The following CPS1 variants were observed in gnomAD, a reference collection of about 807,000 sequenced individuals.
CPS1 encodes the protein carbamoyl-phosphate synthase [ammonia], mitochondrial.
Under a neutral mutation model 174.6 loss-of-function variants are expected in CPS1, and 109 were observed. That is an observed-to-expected ratio of 0.62 (90% CI 0.53 to 0.73). CPS1 has a LOEUF of 0.73. CPS1 is among the 30% of genes least tolerant of loss of function. The probability of loss-of-function intolerance (pLI) is 0.00; values close to 1 mark genes in which losing one functional copy is unlikely to be tolerated. For synonymous variants in CPS1, 637 were observed against 632.0 expected (o/e 1.01, Z -0.12); for missense variants, 1,689 against 1,821.9 (o/e 0.93, Z 1.33).
chr2:210,667,194 C>T (rs552726944), intron 33 of CPS1, among the ~76,000 whole-genome samples: 54 of 152,266 alleles, frequency 3.5e-4, no homozygotes, highest in African/African-American at 9.9e-4. Flanking sequence ...TGAGACTTTG[C>T]TGAAGTTGCT....
At chr2:210,668,129 G>C in intron 33 of CPS1, 57 bp from the exon 34 acceptor site, 2 of 1,117,870 alleles carry the variant, frequency 1.8e-6, no homozygotes, top group Non-Finnish European at 2.7e-6. Flanking sequence ...TTTTTGGTAG[G>C]AGTGGTTGAC....
intron 14 of CPS1, 68 bp downstream of exon 14, chr2:210,599,629 G>A (rs1698638063): frequency 1.3e-6 from 2 of 1,521,114 alleles, no homozygotes; most frequent in Non-Finnish European, 1.8e-6. Context: ...TTTTATTTGA[G>A]CTCATCTAAC....
chr2:210,623,068 C>A (rs1029024836), intron 21 of CPS1, among the ~76,000 whole-genome samples: 2 of 151,950 alleles, frequency 1.3e-5, no homozygotes, highest in African/African-American at 4.8e-5. Flanking sequence ...TTTGCTATAC[C>A]ATGTTAAATC....
chr2:210,596,799 G>T (rs1478496731), intron 13 of CPS1, among the ~76,000 whole-genome samples: 1 of 151,778 alleles, frequency 6.6e-6, no homozygotes, highest in Admixed American at 6.6e-5. Context: ...CAAATAATTA[G>T]AATTTCTATA....
At position 210,579,730 on chromosome 2, in the gene CPS1, G is replaced by C; in HGVS notation, c.488G>C (p.Gly163Ala). 1 of 1,613,114 alleles carries C rather than the reference G, an allele frequency of 6.2e-7. No individual in the cohort carries two copies. Among genetic ancestry groups the C allele is most frequent in the Non-Finnish European group, 8.5e-7 (1 of 1,179,588 alleles). ...LQEEKVPAIY[G>A]VDTRMLTKII... ...TTCTTATAGGTTCCTGCAATTTATG[G>C]AGTGGACACAAGAATGCTGACTAAA... Residue 163 changes from glycine (G) to alanine (A), a missense_variant, in exon 5 of 38, where the codon GGA (glycine) becomes GCA (alanine). Transcript: ENST00000233072.
chr2:210,613,068 G>C (rs1030014445), intron 20 of CPS1, among the ~76,000 whole-genome samples: 11 of 151,806 alleles, frequency 7.2e-5, no homozygotes. Flanking sequence ...GTATCAAACC[G>C]CACTGGTTCT....
At chr2:210,579,435 C>T (rs1008169435) in intron 4 of CPS1, among the ~76,000 whole-genome samples, 2 of 152,098 alleles carry the variant, frequency 1.3e-5, no homozygotes, top group Non-Finnish European at 2.9e-5. Flanking sequence ...TACTTAACAT[C>T]CTGGGTTAAA....
intron 1 of CPS1, among the ~76,000 whole-genome samples, chr2:210,488,252 G>A (rs892083621): frequency 6.6e-6 from 1 of 151,844 alleles, no homozygotes; most frequent in Admixed American, 6.6e-5. Flanking sequence ...CATACTTTTT[G>A]TTAGATCATG....
chr2:210,569,219 G>T (rs1279126785), intron 1 of CPS1, among the ~76,000 whole-genome samples: 2 of 151,942 alleles, frequency 1.3e-5, no homozygotes, highest in Non-Finnish European at 2.9e-5. Context: ...TCACTAGATG[G>T]TATGTTAAAA....
chr2:210,636,248 C>G (rs1700039258), intron 21 of CPS1, among the ~76,000 whole-genome samples: 2 of 152,000 alleles, frequency 1.3e-5, no homozygotes, highest in Non-Finnish European at 2.9e-5. Flanking sequence ...TAGCTCTTTA[C>G]AAATTATTTT....
chr2:210,499,403 A>G (rs1695083297), intron 1 of CPS1, among the ~76,000 whole-genome samples: 1 of 152,138 alleles, frequency 6.6e-6, no homozygotes, highest in Non-Finnish European at 1.5e-5. Context: ...CTCCAGCTCC[A>G]GGCCTGTGAC....
intron 1 of CPS1, among the ~76,000 whole-genome samples, chr2:210,511,368 CTTG>C (rs1244037183): frequency 7.2e-5 from 11 of 151,892 alleles, no homozygotes; most frequent in Non-Finnish European, 1.3e-4. Flanking sequence ...ACATCACACA[CTTG>C]GGGCCTGTTG....
intron 21 of CPS1, among the ~76,000 whole-genome samples, chr2:210,623,447 T>A (rs1002388560): frequency 6.6e-6 from 1 of 152,060 alleles, no homozygotes; most frequent in African/African-American, 2.4e-5. Flanking sequence ...CTATCTTCAC[T>A]CTAATAACTT....
chr2:210,492,625 G>A (rs1345701434), intron 1 of CPS1, among the ~76,000 whole-genome samples: 2 of 151,754 alleles, frequency 1.3e-5, no homozygotes, highest in Non-Finnish European at 2.9e-5. Flanking sequence ...TTTGAGAAAG[G>A]TTACATACTC....
chr2:210,640,442 T>C (rs1287979351), intron 24 of CPS1, among the ~76,000 whole-genome samples: 1 of 152,212 alleles, frequency 6.6e-6, no homozygotes, highest in African/African-American at 2.4e-5. Flanking sequence ...GAAATTACAT[T>C]GCAGATACCA....
intron 1 of CPS1, among the ~76,000 whole-genome samples, chr2:210,510,873 A>G (rs1695449364): frequency 6.6e-6 from 1 of 152,234 alleles, no homozygotes; most frequent in South Asian, 2.1e-4. Context: ...TTAAGAAGTC[A>G]GGAAACAACA....
chr2:210,647,974 A>G lies in CPS1; in HGVS notation c.3253A>G (p.Arg1085Gly), dbSNP rs1700433994. The part of the protein sequence containing the change: ...IMGTSPLQID[R>G]AEDRSIFSAV... ...GGGCACAAGCCCCCTGCAGATCGACAGGGCTGAGGATCGCTCCATCTTCTC... is the reference window on the plus strand; with the variant it reads ...GGGCACAAGCCCCCTGCAGATCGACGGGGCTGAGGATCGCTCCATCTTCTC... Residue 1085 changes from arginine to glycine, a missense_variant, in exon 26 of 38, where the codon AGG becomes GGG. By Grantham distance (125) the Arg-to-Gly change is moderately radical (BLOSUM62 -2). Transcript: ENST00000233072. 1 of 1,613,960 alleles carries G rather than the reference A, an allele frequency of 6.2e-7. No homozygotes were observed. The highest frequency in any genetic ancestry group is 8.5e-7 in the Non-Finnish European group (1 of 1,179,962).
At chr2:210,641,370 C>T (rs1010536392) in intron 24 of CPS1, among the ~76,000 whole-genome samples, 10 of 152,162 alleles carry the variant, frequency 6.6e-5, no homozygotes, top group Non-Finnish European at 1.5e-4. Flanking sequence ...AAGCGATCCT[C>T]CTGCCTCAGC....
At chr2:210,495,963 C>T (rs1694982069) in intron 1 of CPS1, among the ~76,000 whole-genome samples, 1 of 151,948 alleles carries the variant, frequency 6.6e-6, no homozygotes, top group Admixed American at 6.6e-5. Context: ...TCCCTCCTTC[C>T]TTACCTTCCT....
Sources: allele counts gnomAD v4.1 joint callset (sites outside exome capture counted in the v4.1 genomes callset), GRCh38; gene constraint gnomAD v4.1.1; transcripts MANE v1.5; gene names NCBI Gene and HGNC (gene_info 2026-07-23, HGNC 2026-07-21).